The following DGKB variants were observed in gnomAD, a reference collection of about 807,000 sequenced individuals.
The protein encoded by DGKB is 90 kDa diacylglycerol kinase.
In DGKB, 67 loss-of-function variants were observed where a neutral mutation model predicts 114.3. The ratio of observed to expected loss-of-function variants is 0.59; its 90% CI spans 0.48 to 0.72. The LOEUF is 0.72. DGKB is among the 30% of genes least tolerant of loss of function. The probability of loss-of-function intolerance (pLI) is 0.00; values close to 1 mark genes in which losing one functional copy is unlikely to be tolerated. For synonymous variants in DGKB, 398 were observed against 323.1 expected (o/e 1.23, Z -2.49); for missense variants, 907 against 975.2 (o/e 0.93, Z 0.93).
chr7:14,155,570 T>C (rs777245876), intron 25 of DGKB, among the ~76,000 whole-genome samples: 3 of 152,010 alleles, frequency 2.0e-5, no homozygotes, highest in Non-Finnish European at 4.4e-5. Flanking sequence ...GGAGATCAAA[T>C]GGAAGGTTAA....
intron 16 of DGKB, among the ~76,000 whole-genome samples, chr7:14,612,312 G>A (rs967767836): frequency 5.3e-5 from 8 of 151,912 alleles, no homozygotes; most frequent in Non-Finnish European, 1.5e-5. Flanking sequence ...TGGGATTACA[G>A]GTGCCCACGA....
rs1554265920 is a variant in DGKB, at chr7:14,769,278, G to GAAAGAAAGAA, written c.71-11548_71-11547insTTCTTTCTTT. Among the ~76,000 whole-genome samples the GAAAGAAAGAA allele has an allele frequency of 5.7e-3, 440 of 77,174 alleles. 7 individuals are homozygous for GAAAGAAAGAA. Among genetic ancestry groups the GAAAGAAAGAA allele is most frequent in the African/African-American group, 0.033 (340 of 10,222 alleles). The allele number at this position is 77,174 out of a possible 152,430, so 50.6% of individuals were successfully genotyped here. On this transcript the variant is annotated intron_variant, in intron 2 of 25. Transcript: ENST00000402815. ...AGAAAGAAAGAAAGAAAGAAAGAAA[G>GAAAGAAAGAA]AAAGATTTTGTAAAGGAGTTTAGTT...
At chr7:14,923,730 C>A (rs566360417) in intron 1 of DGKB, among the ~76,000 whole-genome samples, 1 of 152,184 alleles carries the variant, frequency 6.6e-6, no homozygotes, top group South Asian at 2.1e-4. Flanking sequence ...CACGGTGGCA[C>A]ATGCCTGTGA....
chr7:14,697,955 TAGA>T (rs1563944461), intron 8 of DGKB, 137 bp downstream of exon 8: 1 of 526,856 alleles, frequency 1.9e-6, no homozygotes, highest in African/African-American at 3.1e-5. Flanking sequence ...GAAAGGGAGA[TAGA>T]AGGAAGGAAA....
chr7:14,632,633 A>G (rs998833333), intron 13 of DGKB, among the ~76,000 whole-genome samples: 7 of 151,870 alleles, frequency 4.6e-5, no homozygotes, highest in Non-Finnish European at 7.4e-5. Context: ...ACATTATCTC[A>G]GTGAAAACTA....
At chr7:14,573,798 A>G (rs1336007842) in intron 20 of DGKB, among the ~76,000 whole-genome samples, 1 of 152,080 alleles carries the variant, frequency 6.6e-6, no homozygotes, top group African/African-American at 2.4e-5. Context: ...GATTTTTAGT[A>G]AGTTATAATG....
chr7:14,884,073 A>G (rs1338168415), intron 1 of DGKB, among the ~76,000 whole-genome samples: 1 of 151,982 alleles, frequency 6.6e-6, no homozygotes, highest in Admixed American at 6.6e-5. Context: ...TTCTTACAGT[A>G]CCAGGTAGAA....
intron 23 of DGKB, among the ~76,000 whole-genome samples, chr7:14,206,897 A>T (rs941651383): frequency 6.6e-6 from 1 of 152,080 alleles, no homozygotes; most frequent in African/African-American, 2.4e-5. Context: ...CATGACAATG[A>T]GTAGTAAAGC....
intron 12 of DGKB, among the ~76,000 whole-genome samples, chr7:14,682,198 G>C (rs1345630928): frequency 3.9e-5 from 6 of 152,040 alleles, no homozygotes; most frequent in African/African-American, 7.2e-5. Flanking sequence ...CAGGGTTGTG[G>C]AGTAAAGGGA....
At chr7:14,566,926 T>G (rs1269559558) in intron 20 of DGKB, among the ~76,000 whole-genome samples, 1 of 151,276 alleles carries the variant, frequency 6.6e-6, no homozygotes. Flanking sequence ...CTACGGTTGA[T>G]GTCCTTCATG....
intron 14 of DGKB, among the ~76,000 whole-genome samples, chr7:14,629,283 T>C (rs1242205756): frequency 6.6e-6 from 1 of 152,098 alleles, no homozygotes; most frequent in Admixed American, 6.6e-5. Context: ...GAATATAAAA[T>C]CAGTTTAACA....
chr7:14,650,175 C>G (rs1451668677), intron 13 of DGKB, among the ~76,000 whole-genome samples: 11 of 128,176 alleles, frequency 8.6e-5, no homozygotes, highest in Admixed American at 5.0e-4. Context: ...CTCTCCACCC[C>G]AAATCAACAG....
At chr7:14,970,320 A>C (rs1303322097) in intron 1 of DGKB, among the ~76,000 whole-genome samples, 2 of 152,170 alleles carry the variant, frequency 1.3e-5, no homozygotes, top group African/African-American at 2.4e-5. Flanking sequence ...ATGAAACTTA[A>C]CACTTCCTAA....
chr7:14,319,230 A>G (rs959182499), intron 23 of DGKB, among the ~76,000 whole-genome samples: 1 of 151,784 alleles, frequency 6.6e-6, no homozygotes, highest in African/African-American at 2.4e-5. Context: ...TGGCACATGT[A>G]TACGTATGTA....
chr7:14,801,960 A>G (rs567110645), intron 2 of DGKB, among the ~76,000 whole-genome samples: 1 of 151,324 alleles, frequency 6.6e-6, no homozygotes, highest in African/African-American at 2.4e-5. Flanking sequence ...ACACACATAT[A>G]CCCCACACAT....
At chr7:14,430,323 G>T (rs953145784) in intron 21 of DGKB, among the ~76,000 whole-genome samples, 2 of 152,000 alleles carry the variant, frequency 1.3e-5, no homozygotes, top group Admixed American at 1.3e-4. Context: ...GTTAATTTTT[G>T]AGATCCATGT....
intron 2 of DGKB, among the ~76,000 whole-genome samples, chr7:14,816,830 T>G (rs183106295): frequency 2.0e-5 from 3 of 152,234 alleles, no homozygotes. Flanking sequence ...GAAAATAACA[T>G]TGACTTTCTC....
chr7:14,950,986 A>C (rs1786170198), intron 1 of DGKB, among the ~76,000 whole-genome samples: 1 of 152,034 alleles, frequency 6.6e-6, no homozygotes, highest in Admixed American at 6.6e-5. Context: ...AATAAAAAAC[A>C]GAAAGCATAT....
intron 5 of DGKB, among the ~76,000 whole-genome samples, chr7:14,719,592 G>A (rs1828809383): frequency 6.6e-6 from 1 of 152,004 alleles, no homozygotes; most frequent in East Asian, 1.9e-4. Flanking sequence ...AGGAGCTACT[G>A]TAAGGAATAA....
Sources: allele counts gnomAD v4.1 joint callset (sites outside exome capture counted in the v4.1 genomes callset), GRCh38; gene constraint gnomAD v4.1.1; transcripts MANE v1.5; gene names NCBI Gene and HGNC (gene_info 2026-07-23, HGNC 2026-07-21).